MNAT1: variants seen among roughly 807,000 people sequenced by gnomAD.
MNAT1 encodes the protein CDK-activating kinase assembly factor MAT1.
A neutral mutation model predicts 42.0 loss-of-function variants in MNAT1; 43 were observed. The ratio of observed to expected loss-of-function variants is 1.02; its 90% CI spans 0.80 to 1.32. The LOEUF (loss-of-function observed/expected upper bound fraction) is 1.32, where lower values mean the gene tolerates loss of function less well. Among genes scored for constraint, MNAT1 ranks in the 40% most tolerant of loss-of-function variants. MNAT1 has a pLI of 0.00. For synonymous variants in MNAT1, 118 were observed against 120.0 expected (o/e 0.98, Z 0.11); for missense variants, 306 against 350.4 (o/e 0.87, Z 1.01).
At chr14:60,849,578 A>G (rs923455918) in intron 6 of MNAT1, among the ~76,000 whole-genome samples, 3 of 152,152 alleles carry the variant, frequency 2.0e-5, no homozygotes, top group African/African-American at 7.2e-5. Flanking sequence ...ACTGAAGAGC[A>G]TTTTATAGTA....
At chr14:60,953,002 A>G (rs2036412621) in intron 7 of MNAT1, among the ~76,000 whole-genome samples, 1 of 152,108 alleles carries the variant, frequency 6.6e-6, no homozygotes, top group Non-Finnish European at 1.5e-5. Flanking sequence ...GCCAGGGGCT[A>G]TCACTATTAG....
In MNAT1 at chr14:60,881,730, A is replaced by G. The variant is rs529696704; in HGVS notation, c.809+1895A>G. ...TACAAGCATGTAATGTGTAATAATCACATTAAGGTAGATGGTATATCCATT... is the reference window on the plus strand; with the variant it reads ...TACAAGCATGTAATGTGTAATAATCGCATTAAGGTAGATGGTATATCCATT... On this transcript the variant is annotated intron_variant, in intron 7 of 7. Coordinates refer to ENST00000261245, the MANE Select transcript of MNAT1 (RefSeq NM_002431.4). 6.6e-4 allele frequency among the ~76,000 whole-genome samples: 101 copies of G among 152,290 alleles called. 3 individuals are homozygous for G. In the South Asian group the frequency reaches 0.017, roughly 25 times the overall value.
At chr14:60,799,040 A>G (rs928724773) in intron 3 of MNAT1, among the ~76,000 whole-genome samples, 1 of 152,214 alleles carries the variant, frequency 6.6e-6, no homozygotes, top group Admixed American at 6.5e-5. Flanking sequence ...GGAATAATAA[A>G]TATTCTAATT....
intron 6 of MNAT1, among the ~76,000 whole-genome samples, chr14:60,860,822 G>A (rs901054359): frequency 4.6e-5 from 7 of 152,140 alleles, no homozygotes; most frequent in Admixed American, 2.0e-4. Flanking sequence ...AAGATATATA[G>A]ATGGGAAAGC....
At chr14:60,777,802 T>TATCTTCTATAGATGCTATCTATAGAAGC (rs1172645659) in intron 1 of MNAT1, among the ~76,000 whole-genome samples, 3 of 152,200 alleles carry the variant, frequency 2.0e-5, no homozygotes, top group Admixed American at 6.5e-5. Context: ...TAGGAGTATC[T>TATCTTCTATAGATGCTATCTATAGAAGC]ATCTTCTATA....
At chr14:60,909,619 A>G (rs1452724477) in intron 7 of MNAT1, among the ~76,000 whole-genome samples, 1 of 152,124 alleles carries the variant, frequency 6.6e-6, no homozygotes. Flanking sequence ...GGTTTGTCAA[A>G]GATCAGATAG....
Position 60,806,244 on chromosome 14 carries a change from A to G in MNAT1, c.317-2081A>G, listed in dbSNP as rs186332854. Among the ~76,000 whole-genome samples, 4 of 152,344 alleles carry G rather than the reference A, an allele frequency of 2.6e-5. No individual in the cohort carries two copies. The East Asian group carries it at 7.7e-4, about 29-fold the overall frequency. On this transcript the variant is annotated intron_variant, in intron 3 of 7. Transcript: ENST00000261245. ...ATTAGACAATGTATTGTAAGCATTC[A>G]GGGATGGAGAGATTGTAACTGCAAA...
At chr14:60,897,801 T>G (rs1194822457) in intron 7 of MNAT1, among the ~76,000 whole-genome samples, 1 of 152,184 alleles carries the variant, frequency 6.6e-6, no homozygotes. Context: ...TGTTGCTAAC[T>G]GTAGTCACCC....
chr14:60,831,063 A>G (rs12590768), intron 6 of MNAT1, among the ~76,000 whole-genome samples: 143,051 of 151,168 alleles, frequency 0.95, 67,946 homozygotes, highest in Non-Finnish European at 0.99. Flanking sequence ...ATTCCTAATG[A>G]TGGCTAGAGC....
intron 6 of MNAT1, among the ~76,000 whole-genome samples, chr14:60,828,682 C>A (rs1234624152): frequency 6.6e-6 from 1 of 152,166 alleles, no homozygotes; most frequent in East Asian, 1.9e-4. Context: ...CCCAGTACCA[C>A]ACAACTGCTC....
At chr14:60,801,909 G>A (rs1472646859) in intron 3 of MNAT1, among the ~76,000 whole-genome samples, 1 of 152,208 alleles carries the variant, frequency 6.6e-6, no homozygotes, top group Non-Finnish European at 1.5e-5. Flanking sequence ...TAAAGAAAAT[G>A]TGGTACATAT....
rs553860826 is a variant in MNAT1, at chr14:60,947,488, G to C, written c.810-20741G>C. ...TTCTGAGGTCAGGAGTTCGAGACAA[G>C]CCTGGCCAACATGGTGAAACCCCTT... On this transcript the variant is annotated intron_variant, in intron 7 of 7. Transcript: ENST00000261245. Among the ~76,000 whole-genome samples, 14 of 152,188 alleles carry C rather than the reference G, an allele frequency of 9.2e-5. 1 individual carries two copies. In the South Asian group the frequency reaches 2.9e-3, roughly 32 times the overall value.
chr14:60,852,156 T>C (rs1029163277), intron 6 of MNAT1, among the ~76,000 whole-genome samples: 2 of 152,336 alleles, frequency 1.3e-5, no homozygotes, highest in Middle Eastern at 3.4e-3. Flanking sequence ...ACCAACAGTG[T>C]AAAAGTGTTC....
chr14:60,767,593 T>G (rs2030879776), intron 1 of MNAT1, among the ~76,000 whole-genome samples: 3 of 152,090 alleles, frequency 2.0e-5, no homozygotes, highest in African/African-American at 7.2e-5. Context: ...TAATTTAAAT[T>G]TAAATTTTAT....
intron 6 of MNAT1, among the ~76,000 whole-genome samples, chr14:60,871,885 A>C (rs1352077253): frequency 6.6e-6 from 1 of 152,116 alleles, no homozygotes; most frequent in Non-Finnish European, 1.5e-5. Context: ...GGCCTCCCAA[A>C]GTGCTGGGAT....
chr14:60,871,406 G>T (rs2034320890), intron 6 of MNAT1, among the ~76,000 whole-genome samples: 1 of 152,170 alleles, frequency 6.6e-6, no homozygotes, highest in Non-Finnish European at 1.5e-5. Flanking sequence ...ACTCTCATCT[G>T]CAGTGTCCAT....
At chr14:60,910,967 A>T (rs903875578) in intron 7 of MNAT1, among the ~76,000 whole-genome samples, 1 of 151,744 alleles carries the variant, frequency 6.6e-6, no homozygotes, top group Non-Finnish European at 1.5e-5. Flanking sequence ...ACTTTTTTTG[A>T]TTGGTAAACT....
intron 1 of MNAT1, among the ~76,000 whole-genome samples, chr14:60,737,332 T>A (rs1239299945): frequency 6.6e-6 from 1 of 152,128 alleles, no homozygotes; most frequent in Non-Finnish European, 1.5e-5. Context: ...CATGGGTGTG[T>A]TTGGGTAGAA....
At chr14:60,964,631 G>T (rs2036650965) in intron 7 of MNAT1, among the ~76,000 whole-genome samples, 1 of 152,148 alleles carries the variant, frequency 6.6e-6, no homozygotes, top group African/African-American at 2.4e-5. Context: ...AATAGTCAGA[G>T]CAATTACCTC....
Sources: gnomAD v4.1 joint callset for allele counts (sites outside exome capture counted in the v4.1 genomes callset) on GRCh38, gnomAD v4.1.1 for gene constraint, MANE v1.5 for transcripts, NCBI Gene and HGNC (gene_info 2026-07-23, HGNC 2026-07-21) for gene names.